ACE: variants seen among roughly 807,000 people sequenced by gnomAD.
The protein encoded by ACE is angiotensin I converting enzyme.
Under a neutral mutation model 162.3 loss-of-function variants are expected in ACE, and 122 were observed. The observed-to-expected ratio is 0.75, with a 90% confidence interval of 0.65 to 0.87. The LOEUF is 0.87. Ranked by LOEUF, ACE falls within the 40% of genes least tolerant of loss-of-function variation. The pLI, the probability that ACE is intolerant of heterozygous loss-of-function variation, is 0.00. For synonymous variants in ACE, 796 were observed against 720.6 expected (o/e 1.10, Z -1.68); for missense variants, 1,799 against 1,735.1 (o/e 1.04, Z -0.65).
At position 63,490,494 on chromosome 17, in the gene ACE, G is replaced by T. The variant is rs189967022; in HGVS notation, c.2642-460G>T. 5.2e-5 allele frequency: 11 copies of T among 213,224 alleles called. No individual in the cohort carries two copies. In the East Asian group the frequency reaches 1.3e-3, roughly 25 times the overall value. 13.2% of individuals were successfully genotyped at this position (213,224 alleles called of 1,614,324 possible). ...GGAGCCGTGGGCCCCCGGCGAGGGGGGCGGTCACTTAACTCTCCAGCCTGT... is the reference window on the plus strand; with the variant it reads ...GGAGCCGTGGGCCCCCGGCGAGGGGTGCGGTCACTTAACTCTCCAGCCTGT... On this transcript the variant is annotated intron_variant, in intron 17 of 24. Coordinates refer to ENST00000290866, the MANE Select transcript of ACE (RefSeq NM_000789.4).
Position 63,479,925 on chromosome 17 carries a change from C to T in ACE, c.655+13C>T, listed in dbSNP as rs4300. Reference sequence around the variant, plus strand: ...TACAAGCAGGACGGTGAGCAGGCCTCTCCCTGTCCAGGAACCACGCCAGGT... The same window carrying T: ...TACAAGCAGGACGGTGAGCAGGCCTTTCCCTGTCCAGGAACCACGCCAGGT... On this transcript the variant is annotated intron_variant, in intron 4 of 24. Coordinates refer to ENST00000290866, the MANE Select transcript of ACE (RefSeq NM_000789.4). 0.013 allele frequency: 21,429 copies of T among 1,603,872 alleles called. 1,546 individuals carry two copies. The African/African-American group carries it at 0.19, about 14-fold the overall frequency.
At chr17:63,482,765 C>T in intron 8 of ACE, 76 bp downstream of exon 8, 3 of 1,464,516 alleles carry the variant, frequency 2.0e-6, no homozygotes, top group South Asian at 1.2e-5. Context: ...CTCACTTGCC[C>T]CACTCAGCTC....
intron 19 of ACE, among the ~76,000 whole-genome samples, chr17:63,493,027 T>G (rs1308518026): frequency 6.6e-6 from 1 of 152,206 alleles, no homozygotes; most frequent in Non-Finnish European, 1.5e-5. Context: ...CTCTCACCCC[T>G]GACAGAAACA....
At position 63,491,814 on chromosome 17, in the gene ACE, T is replaced by C. The variant is rs2030404724; in HGVS notation, c.2912+433T>C. 6.6e-6 allele frequency among the ~76,000 whole-genome samples: 1 copy of C among 152,156 alleles called. No homozygotes were observed. The highest frequency in any genetic ancestry group is 6.5e-5 in the Admixed American group (1 of 15,282). On this transcript the variant is annotated intron_variant, in intron 19 of 24. Transcript: ENST00000290866. The surrounding 1 kb of genome is among the most constrained non-coding windows in gnomAD (Gnocchi z 4.4). ...AGCTGCCTTCCTTGGAGGATGGCGT[T>C]TTAGTTACCTATTGCTGTGCAACCA...
rs528095070 is a variant in ACE, at chr17:63,484,242, G to T, written c.1710-88G>T. On this transcript the variant is annotated intron_variant, in intron 11 of 24. Transcript: ENST00000290866. This position sits in a 1 kb window ranked among gnomAD's most constrained non-coding sequence, Gnocchi z 4.0. The stretch of plus-strand genomic sequence containing the variant: ...CAGTTTCTGCAGTCCATTGGGGGGC[G>T]GAAGTGGCCAGGGGCATGTGGGCCG... 2.7e-5 allele frequency: 38 copies of T among 1,432,650 alleles called. 1 individual carries two copies. The South Asian group carries it at 4.4e-4, about 17-fold the overall frequency. 88.7% of individuals were successfully genotyped at this position (1,432,650 alleles called of 1,614,324 possible).
intron 17 of ACE, chr17:63,490,725 C>G (rs1488706292): frequency 3.5e-6 from 2 of 572,748 alleles, no homozygotes; most frequent in Non-Finnish European, 6.4e-6. Flanking sequence ...CACCTGGATT[C>G]CCTGATAACC....
intron 17 of ACE, 184 bp from the exon 18 acceptor site, chr17:63,490,770 C>A: frequency 1.5e-6 from 1 of 647,342 alleles, no homozygotes; most frequent in East Asian, 2.8e-5. Flanking sequence ...GCAGTAATGA[C>A]CTACTGGGCT....
In ACE at chr17:63,479,074, C is replaced by G. The variant is rs1459787773; in HGVS notation, c.485C>G (p.Thr162Ser). The G allele has an allele frequency of 6.2e-7, 1 of 1,613,494 alleles. No homozygotes were observed. Among genetic ancestry groups the G allele is most frequent in the African/African-American group, 1.3e-5 (1 of 74,968 alleles). The change falls in exon 3 of 25, where the codon ACT (threonine) becomes AGT (serine). Residue 162 changes from threonine (T) to serine (S), a missense_variant. Thr to Ser is a moderately conservative substitution (Grantham distance 58). Coordinates refer to ENST00000290866, the MANE Select transcript of ACE (RefSeq NM_000789.4). ...STAKVCLPNK[T>S]ATCWSLDPDL... ...GCCAAGGTCTGCCTCCCCAACAAGA[C>G]TGCCACCTGCTGGTCCCTGGACCCA...
In ACE at chr17:63,493,947, G is replaced by A. The variant is rs1210514649; in HGVS notation, c.3162G>A (p.Lys1054=). The change falls in exon 21 of 25, where the codon AAG becomes AAA. Residue 1054 remains lysine, a synonymous_variant. Transcript: ENST00000290866. ...AGCATGACATCAACTTTCTGATGAA[G>A]ATGGCCCTTGACAAGATCGCCTTTA... ...SDEHDINFLM[K]MALDKIAFIP... 4 of 1,614,160 alleles carry A rather than the reference G, an allele frequency of 2.5e-6. No homozygotes were observed. The highest frequency in any genetic ancestry group is 2.2e-5 in the East Asian group (1 of 44,870).
intron 15 of ACE, among the ~76,000 whole-genome samples, chr17:63,487,857 G>A (rs1314666501): frequency 1.3e-5 from 2 of 152,240 alleles, no homozygotes; most frequent in Non-Finnish European, 2.9e-5. Flanking sequence ...AATAGAAGGG[G>A]AAATGGAAAA....
intron 2 of ACE, 199 bp downstream of exon 2, chr17:63,478,297 T>G: frequency 1.4e-6 from 1 of 699,492 alleles, no homozygotes; most frequent in Admixed American, 2.9e-5. Flanking sequence ...TACTTTCTGT[T>G]AAAGGAAGCA....
In ACE at chr17:63,491,094, A is replaced by G. The variant is rs1241809962; in HGVS notation, c.2739+43A>G. 1 of 1,611,736 alleles carries G rather than the reference A, an allele frequency of 6.2e-7. No homozygotes were observed. Among genetic ancestry groups the G allele is most frequent in the Non-Finnish European group, 8.5e-7 (1 of 1,178,310 alleles). On this transcript the variant is annotated intron_variant, in intron 18 of 24. Transcript: ENST00000290866. The surrounding 1 kb of genome is among the most constrained non-coding windows in gnomAD (Gnocchi z 4.4). Reference sequence around the variant, plus strand: ...GGCAGGGAGGCCCCGCCGGGATGGGAGGGACCCTCTGATTCAGGAGTTCCC... The same window carrying G: ...GGCAGGGAGGCCCCGCCGGGATGGGGGGGACCCTCTGATTCAGGAGTTCCC...
chr17:63,488,539 C>CTTTTTTTTTTTT, intron 15 of ACE, 109 bp from the exon 16 acceptor site: 3 of 1,239,198 alleles, frequency 2.4e-6, no homozygotes, highest in East Asian at 2.4e-5. Flanking sequence ...TATACAGTCA[C>CTTTTTTTTTTTT]TTTTATGTGG....
In ACE at chr17:63,477,489, GC is replaced by G. The variant is rs1051387451; in HGVS notation, c.249+149del. On this transcript the variant is annotated intron_variant, in intron 1 of 24. Coordinates refer to ENST00000290866, the MANE Select transcript of ACE (RefSeq NM_000789.4). ...CCTCGCCCCGACAGTCAGCCGCGGGGCCCGAGCGCCGGGCTGCGCGCACGGC... is the reference window on the plus strand; with the variant it reads ...CCTCGCCCCGACAGTCAGCCGCGGGGCCGAGCGCCGGGCTGCGCGCACGGC... 1.1e-5 allele frequency: 6 copies of G among 565,166 alleles called. No individual in the cohort carries two copies. The Middle Eastern group carries it at 2.3e-3, about 220-fold the overall frequency. 35.0% of individuals were successfully genotyped at this position (565,166 alleles called of 1,614,324 possible). A position where few individuals can be genotyped will look rare whatever the true frequency, so the allele number is the denominator to read the frequency against.
At chr17:63,485,772 C>CA (rs781292581) in intron 13 of ACE, 40,492 of 96,230 alleles carry the variant, frequency 0.42, 8,498 homozygotes, top group East Asian at 0.63. Flanking sequence ...GAGACTCCAT[C>CA]AAAAAAAAAA....
At chr17:63,480,679 C>T (rs2147530098) in intron 5 of ACE, 151 bp downstream of exon 5, 1 of 912,482 alleles carries the variant, frequency 1.1e-6, no homozygotes, top group East Asian at 2.6e-5. Flanking sequence ...ATGCAGGAGA[C>T]CATTCGTGTT....
rs776411660 is a variant in ACE at position 63,482,680 on chromosome 17, A to G, written c.1333A>G (p.Asn445Asp). The change falls in exon 8 of 25, where the codon AAT becomes GAT. Residue 445 changes from asparagine (N) to aspartate (D), a missense_variant. Coordinates refer to ENST00000290866, the MANE Select transcript of ACE (RefSeq NM_000789.4). ...HKIGLLDRVT[N>D]DTESDINYLL... Reference sequence around the variant, plus strand: ...AATCGGCCTGCTGGACCGTGTCACCAATGACACGGGTATGGGAGGGCTGAG... The same window carrying G: ...AATCGGCCTGCTGGACCGTGTCACCGATGACACGGGTATGGGAGGGCTGAG... 1.2e-6 allele frequency: 2 copies of G among 1,613,574 alleles called. No homozygotes were observed. Among genetic ancestry groups the G allele is most frequent in the South Asian group, 1.1e-5 (1 of 91,066 alleles).
chr17:63,496,290 G>A (rs1002470113), intron 22 of ACE, 104 bp from the exon 23 acceptor site: 5 of 1,566,566 alleles, frequency 3.2e-6, no homozygotes, highest in Non-Finnish European at 3.5e-6. Flanking sequence ...CTGTGCGCAT[G>A]TGACTTAGCA....
intron 1 of ACE, chr17:63,477,639 C>T (rs1391013732): frequency 2.2e-6 from 1 of 456,286 alleles, no homozygotes; most frequent in Non-Finnish European, 3.9e-6. Context: ...TGCCTTCTCA[C>T]CTCCGGACGC....
Sources: gnomAD v4.1 joint callset for allele counts (sites outside exome capture counted in the v4.1 genomes callset) on GRCh38, gnomAD v4.1.1 for gene constraint, Gnocchi (gnomAD v3.1) non-coding constraint, MANE v1.5 for transcripts, NCBI Gene and HGNC (gene_info 2026-07-23, HGNC 2026-07-21) for gene names.